GALK2: variants seen among roughly 807,000 people sequenced by gnomAD.
GALK2 encodes N-acetylgalactosamine kinase.
A neutral mutation model predicts 52.4 loss-of-function variants in GALK2; 36 were observed. That is an observed-to-expected ratio of 0.69 (90% confidence interval 0.53 to 0.91). The LOEUF (loss-of-function observed/expected upper bound fraction) is 0.91. Ranked by LOEUF, GALK2 falls within the 40% of genes least tolerant of loss-of-function variation. The probability of loss-of-function intolerance (pLI) is 0.00; values close to 1 mark genes in which losing one functional copy is unlikely to be tolerated. For missense variants in GALK2, 579 were observed against 559.1 expected (o/e 1.04, Z -0.36); for synonymous variants, 176 against 199.1 (o/e 0.88, Z 0.98).
intron 5 of GALK2, among the ~76,000 whole-genome samples, chr15:49,276,904 GTTTTT>G (rs34440691): frequency 1.3e-5 from 1 of 77,902 alleles, no homozygotes; most frequent in Non-Finnish European, 2.5e-5. Flanking sequence ...AGAATCTGAG[GTTTTT>G]TTTTTTTTTT....
chr15:49,193,472 T>C (rs1055729453), intron 1 of GALK2, among the ~76,000 whole-genome samples: 1 of 152,014 alleles, frequency 6.6e-6, no homozygotes, highest in Non-Finnish European at 1.5e-5. Context: ...TTTTAAAACA[T>C]TTTTATATAG....
intron 9 of GALK2, among the ~76,000 whole-genome samples, chr15:49,324,634 C>T (rs1029615790): frequency 2.6e-5 from 4 of 152,140 alleles, no homozygotes; most frequent in African/African-American, 9.7e-5. Context: ...TTTGAAGGCA[C>T]GGTGTCTAAC....
At chr15:49,302,163 C>CT (rs2035170406) in intron 8 of GALK2, among the ~76,000 whole-genome samples, 1 of 152,170 alleles carries the variant, frequency 6.6e-6, no homozygotes, top group Non-Finnish European at 1.5e-5. Flanking sequence ...TCTGCCATCA[C>CT]TTTTTAAATC....
intron 5 of GALK2, among the ~76,000 whole-genome samples, chr15:49,247,212 G>A (rs914970852): frequency 6.6e-6 from 1 of 152,066 alleles, no homozygotes; most frequent in East Asian, 1.9e-4. Context: ...CTGTGGTTGG[G>A]GTGTGGTGAG....
chr15:49,342,884 T>A (rs1186312866), intron 3 of GALK2, among the ~76,000 whole-genome samples: 1 of 152,214 alleles, frequency 6.6e-6, no homozygotes, highest in South Asian at 2.1e-4. Context: ...AGGTTTTTGC[T>A]GAGAAGTCTG....
At chr15:49,163,775 C>T (rs1451501930) in intron 1 of GALK2, among the ~76,000 whole-genome samples, 1 of 152,186 alleles carries the variant, frequency 6.6e-6, no homozygotes, top group Admixed American at 6.5e-5. Flanking sequence ...CTTCTGAATT[C>T]TCTGAAATGC....
chr15:49,191,797 A>G (rs1264100099), intron 1 of GALK2, among the ~76,000 whole-genome samples: 1 of 152,146 alleles, frequency 6.6e-6, no homozygotes, highest in Admixed American at 6.6e-5. Context: ...TGATTTTAGC[A>G]TCCATTGTTG....
chr15:49,259,025 A>C (rs1442046498), intron 5 of GALK2, among the ~76,000 whole-genome samples: 1 of 150,518 alleles, frequency 6.6e-6, no homozygotes, highest in Admixed American at 6.6e-5. Flanking sequence ...GTTTGAGTTC[A>C]CTGTAGATTC....
intron 1 of GALK2, among the ~76,000 whole-genome samples, chr15:49,163,933 T>A (rs1004573974): frequency 1.3e-5 from 2 of 151,740 alleles, no homozygotes; most frequent in African/African-American, 4.9e-5. Flanking sequence ...ATCTTTAAAA[T>A]TTTTTTTTAC....
chr15:49,165,736 A>C (rs983384171), upstream of GALK2, among the ~76,000 whole-genome samples: 6 of 152,058 alleles, frequency 3.9e-5, no homozygotes, highest in African/African-American at 1.4e-4. Flanking sequence ...AAAATTTAAA[A>C]TGGCATGTTT....
intron 8 of GALK2, among the ~76,000 whole-genome samples, chr15:49,317,372 C>T (rs564036924): frequency 1.3e-5 from 2 of 150,240 alleles, no homozygotes; most frequent in African/African-American, 2.5e-5. Context: ...CCATCTCACA[C>T]CAGTTAGAAA....
At chr15:49,365,727 G>C (rs913121619) in intron 3 of GALK2, 115 of 891,096 alleles carry the variant, frequency 1.3e-4, no homozygotes, top group Non-Finnish European at 1.2e-4. Context: ...CAATCTCCAA[G>C]ATATCTTGTA....
At chr15:49,205,146 C>T (rs189504913) in intron 2 of GALK2, among the ~76,000 whole-genome samples, 7 of 151,694 alleles carry the variant, frequency 4.6e-5, no homozygotes, top group Admixed American at 1.3e-4. Flanking sequence ...TCCATAATAC[C>T]AATGACATAT....
chr15:49,364,516 A>C (rs1398534618), intron 3 of GALK2, among the ~76,000 whole-genome samples: 4 of 151,994 alleles, frequency 2.6e-5, no homozygotes, highest in Non-Finnish European at 5.9e-5. Flanking sequence ...CAGCTGAAAA[A>C]ATGTTCTTAA....
intron 3 of GALK2, among the ~76,000 whole-genome samples, chr15:49,352,772 A>G (rs1160172308): frequency 6.6e-6 from 1 of 152,176 alleles, no homozygotes; most frequent in Non-Finnish European, 1.5e-5. Flanking sequence ...ATCCAAAATT[A>G]TAATATCAAA....
At chr15:49,306,664 A>G (rs2035572587) in intron 8 of GALK2, among the ~76,000 whole-genome samples, 1 of 152,208 alleles carries the variant, frequency 6.6e-6, no homozygotes, top group South Asian at 2.1e-4. Context: ...GGCAAGCATG[A>G]CCATGTTTCT....
chr15:49,366,017 C>A (rs1178539247), intron 3 of GALK2: 17 of 801,932 alleles, frequency 2.1e-5, no homozygotes, highest in Non-Finnish European at 3.9e-5. Context: ...AATATTACAA[C>A]TGTAAGAGGA....
rs1018076779 is a variant in GALK2 at position 49,271,881 on chromosome 15, T to C, written c.505-10106T>C. Among the ~76,000 whole-genome samples, 94 of 152,240 alleles carry C rather than the reference T, an allele frequency of 6.2e-4. 3 individuals carry two copies. Among genetic ancestry groups the C allele is most frequent in the Non-Finnish European group, 5.9e-5 (4 of 68,038 alleles). On this transcript the variant is annotated intron_variant, in intron 5 of 9. Coordinates refer to ENST00000560031, the MANE Select transcript of GALK2 (RefSeq NM_002044.4). ...TTGGAAATGGATAATGGCAAAGCCC[T>C]CCAAGCCTCAGGCCATCCAGCAACG...
intron 3 of GALK2, 139 bp downstream of exon 3, chr15:49,217,452 C>A: frequency 1.2e-6 from 1 of 815,566 alleles, no homozygotes; most frequent in Non-Finnish European, 1.9e-6. Flanking sequence ...AATTCTAAGG[C>A]CATTATTTAT....
Sources: gnomAD v4.1 joint callset for allele counts (sites outside exome capture counted in the v4.1 genomes callset) on GRCh38, gnomAD v4.1.1 for gene constraint, MANE v1.5 for transcripts, NCBI Gene and HGNC (gene_info 2026-07-23, HGNC 2026-07-21) for gene names.